USP24: variants seen among roughly 807,000 people sequenced by gnomAD.
The protein encoded by USP24 is ubiquitin specific peptidase 24.
In USP24, 97 loss-of-function variants were observed where a neutral mutation model predicts 361.6. That is an observed-to-expected ratio of 0.27 (90% CI 0.23 to 0.32). USP24 has a LOEUF of 0.32. Among genes scored for constraint, USP24 ranks in the 10% least tolerant of loss-of-function variants. The pLI is 1.00. For missense variants in USP24, 2,353 were observed against 3,165.6 expected, an observed-to-expected ratio of 0.74 and a Z score of 6.16; for synonymous variants, 1,098 against 1,124.6, an observed-to-expected ratio of 0.98 and a Z score of 0.47.
chr1:55,203,791 T>C (rs962288755), intron 1 of USP24, among the ~76,000 whole-genome samples: 35 of 152,264 alleles, frequency 2.3e-4, no homozygotes, highest in African/African-American at 8.2e-4. Context: ...TCTGCACATA[T>C]ATCATGAACC....
At chr1:55,091,686 T>G (rs894474451) in intron 54 of USP24, among the ~76,000 whole-genome samples, 1 of 152,230 alleles carries the variant, frequency 6.6e-6, no homozygotes, top group Non-Finnish European at 1.5e-5. Flanking sequence ...CTGCCTAAAA[T>G]GAGCCCTCTG....
rs923909987 is a variant in USP24, at chr1:55,147,763, T to C, written c.2004A>G (p.Ile668Met). 1 of 1,612,606 alleles carries C rather than the reference T, an allele frequency of 6.2e-7. No homozygotes were observed. Among genetic ancestry groups the C allele is most frequent in the Non-Finnish European group, 8.5e-7 (1 of 1,179,270 alleles). Reference sequence around the variant, plus strand: ...TCAAACTTCCCGTTACCAATTTCACTATTTCAAAATTCTTCTTCAAGTCTT... The same window carrying C: ...TCAAACTTCCCGTTACCAATTTCACCATTTCAAAATTCTTCTTCAAGTCTT... The part of the protein sequence containing the change: ...IIQDLKKNFE[I>M]VKLVTGSLIA... Residue 668 changes from isoleucine to methionine, a missense_variant, in exon 18 of 68, where the codon ATA (isoleucine) becomes ATG (methionine). Ile to Met is a conservative substitution (Grantham distance 10). Coordinates refer to ENST00000294383, the MANE Select transcript of USP24 (RefSeq NM_015306.3).
At chr1:55,144,362 A>C (rs375584570) in intron 20 of USP24, among the ~76,000 whole-genome samples, 159 bp from the exon 21 acceptor site, 3 of 152,188 alleles carry the variant, frequency 2.0e-5, no homozygotes, top group African/African-American at 7.2e-5. Flanking sequence ...AATATTAGTA[A>C]ATCAGATATA....
chr1:55,158,754 CT>C (rs987553992), intron 10 of USP24, 123 bp downstream of exon 10: 1 of 874,676 alleles, frequency 1.1e-6, no homozygotes, highest in African/African-American at 1.7e-5. Flanking sequence ...CACAATCATT[CT>C]CTTTTTTATA....
At chr1:55,179,491 G>A (rs982996856) in intron 1 of USP24, among the ~76,000 whole-genome samples, 1 of 152,082 alleles carries the variant, frequency 6.6e-6, no homozygotes, top group Non-Finnish European at 1.5e-5. Context: ...ACCCACAAAT[G>A]CAACTGCCTA....
chr1:55,151,809 G>C, intron 16 of USP24: 1 of 812,370 alleles, frequency 1.2e-6, no homozygotes, highest in Non-Finnish European at 1.5e-6. Context: ...AGTGGAACTT[G>C]GGAATTTTAA....
chr1:55,164,547 A>C (rs1374618903), intron 7 of USP24, among the ~76,000 whole-genome samples: 1 of 152,054 alleles, frequency 6.6e-6, no homozygotes, highest in East Asian at 1.9e-4. Context: ...GTCTCCTACA[A>C]AAGTCCACAC....
At chr1:55,088,826 A>G (rs1348276533) in intron 55 of USP24, among the ~76,000 whole-genome samples, 3 of 152,166 alleles carry the variant, frequency 2.0e-5, no homozygotes, top group African/African-American at 7.2e-5. Flanking sequence ...TAGTGATTGG[A>G]GCATTCTGAA....
intron 2 of USP24, 79 bp from the exon 3 acceptor site, chr1:55,176,522 A>T: frequency 7.6e-7 from 1 of 1,308,644 alleles, no homozygotes; most frequent in East Asian, 2.5e-5. Flanking sequence ...GAAATAATAC[A>T]CGTTATTTAG....
chr1:55,206,139 C>A (rs1017489082), intron 1 of USP24, among the ~76,000 whole-genome samples: 3 of 152,158 alleles, frequency 2.0e-5, no homozygotes, highest in African/African-American at 7.2e-5. Context: ...TTAAGATTTT[C>A]TTTGCATCCA....
chr1:55,194,825 T>C (rs948455535), intron 1 of USP24, among the ~76,000 whole-genome samples: 2 of 152,068 alleles, frequency 1.3e-5, no homozygotes, highest in Admixed American at 6.5e-5. Flanking sequence ...AGCCAGTTGG[T>C]CACATCACAG....
Position 55,142,252 on chromosome 1 carries a change from C to T in USP24, c.2634+490G>A, listed in dbSNP as rs925637722. 2.0e-5 allele frequency among the ~76,000 whole-genome samples: 3 copies of T among 152,078 alleles called. 1 individual carries two copies. The East Asian group carries it at 5.8e-4, about 29-fold the overall frequency. Reference sequence around the variant, plus strand: ...CGTCATGCTGGAAATAAAAGAGATACATGTGAGCTAGCATTACACAGCAGG... The same window carrying T: ...CGTCATGCTGGAAATAAAAGAGATATATGTGAGCTAGCATTACACAGCAGG... On this transcript the variant is annotated intron_variant, in intron 23 of 67. Coordinates refer to ENST00000294383, the MANE Select transcript of USP24 (RefSeq NM_015306.3).
At chr1:55,157,129 C>A in intron 11 of USP24, 78 bp from the exon 12 acceptor site, 1 of 1,412,204 alleles carries the variant, frequency 7.1e-7, no homozygotes, top group South Asian at 1.2e-5. Flanking sequence ...TGATTCAAAA[C>A]AATAACTTAC....
intron 1 of USP24, 115 bp from the exon 2 acceptor site, chr1:55,178,247 G>T: frequency 9.8e-7 from 1 of 1,024,776 alleles, no homozygotes; most frequent in Non-Finnish European, 1.4e-6. Flanking sequence ...AATACCAATA[G>T]CATGGATTCT....
intron 7 of USP24, among the ~76,000 whole-genome samples, chr1:55,163,873 G>C (rs1013769809): frequency 8.6e-5 from 13 of 151,892 alleles, no homozygotes; most frequent in Non-Finnish European, 4.4e-5. Context: ...GCTGCCTACA[G>C]GATTTGAGTA....
chr1:55,178,208 G>A, intron 1 of USP24, 76 bp from the exon 2 acceptor site: 2 of 1,456,176 alleles, frequency 1.4e-6, no homozygotes, highest in Non-Finnish European at 9.3e-7. Context: ...ATGTAACACA[G>A]AGCAGATACT....
intron 1 of USP24, among the ~76,000 whole-genome samples, chr1:55,208,236 C>T (rs1031813022): frequency 2.0e-5 from 3 of 152,276 alleles, no homozygotes; most frequent in Middle Eastern, 6.8e-3. Flanking sequence ...AGCCAGGTTT[C>T]TCACTAGCAG....
chr1:55,086,933 A>G (rs1460828956), intron 55 of USP24, among the ~76,000 whole-genome samples: 1 of 152,198 alleles, frequency 6.6e-6, no homozygotes, highest in Non-Finnish European at 1.5e-5. Flanking sequence ...AGGCTCTTTA[A>G]AAATGTAAAG....
chr1:55,147,349 T>C (rs1184011716), intron 18 of USP24, among the ~76,000 whole-genome samples: 2 of 152,138 alleles, frequency 1.3e-5, no homozygotes, highest in Non-Finnish European at 2.9e-5. Context: ...GAGTTAAGAT[T>C]TTTTTCCTAA....
Sources: allele counts gnomAD v4.1 joint callset (sites outside exome capture counted in the v4.1 genomes callset), GRCh38; gene constraint gnomAD v4.1.1; transcripts MANE v1.5; gene names NCBI Gene and HGNC (gene_info 2026-07-23, HGNC 2026-07-21).